Variants in MVB12B observed in about 807,000 individuals in gnomAD.
MVB12B encodes ESCRT-I complex subunit MVB12B.
MVB12B carries 16 observed loss-of-function variants against 41.6 expected under a neutral mutation model. The observed-to-expected ratio is 0.38, with a 90% CI of 0.26 to 0.58. MVB12B has a LOEUF of 0.58. MVB12B is among the 20% of genes least tolerant of loss of function. The probability of loss-of-function intolerance (pLI) is 0.62; values close to 1 mark genes in which losing one functional copy is unlikely to be tolerated. For synonymous variants in MVB12B, 133 were observed against 139.7 expected (o/e 0.95, Z 0.34); for missense variants, 274 against 380.2 (o/e 0.72, Z 2.32).
intron 2 of MVB12B, among the ~76,000 whole-genome samples, chr9:126,363,774 G>T (rs1359561826): frequency 6.6e-6 from 1 of 152,154 alleles, no homozygotes; most frequent in Non-Finnish European, 1.5e-5. Flanking sequence ...CCCACTCACA[G>T]TTCCTCAGAG....
At position 126,505,633 on chromosome 9, in the gene MVB12B, T is replaced by C. The variant is rs1588221484; in HGVS notation, c.*2370T>C. 6.6e-6 allele frequency: 1 copy of C among 151,458 alleles called. No homozygotes were observed. Among genetic ancestry groups the C allele is most frequent in the African/African-American group, 2.4e-5 (1 of 41,006 alleles). 9.4% of individuals were successfully genotyped at this position (151,458 alleles called of 1,614,324 possible). A position where few individuals can be genotyped will look rare whatever the true frequency, so the allele number is the denominator to read the frequency against. ...CCACCATTTATTGCCTTCTGAGAGG[T>C]GGGTGAGGACAAGCATGTGCCTGTG... On this transcript the variant is annotated 3_prime_UTR_variant, in exon 10 of 10. Coordinates refer to ENST00000361171, the MANE Select transcript of MVB12B (RefSeq NM_033446.3).
Position 126,395,821 on chromosome 9 carries a change from A to T in MVB12B, c.662+124A>T, listed in dbSNP as rs2119009163. 1 of 1,502,050 alleles carries T rather than the reference A, an allele frequency of 6.7e-7. No homozygotes were observed. Among genetic ancestry groups the T allele is most frequent in the South Asian group, 1.4e-5 (1 of 72,568 alleles). The allele number at this position is 1,502,050 out of a possible 1,614,324, so 93.0% of individuals were successfully genotyped here. On this transcript the variant is annotated intron_variant, in intron 6 of 9. Transcript: ENST00000361171. This position sits in a 1 kb window ranked among gnomAD's most constrained non-coding sequence, Gnocchi z 4.9. ...AGTACAGCTGAATAATTGTAGAAGC[A>T]ATATATCTTTAGAGGAGATTTTTAA...
chr9:126,402,903 G>T lies in MVB12B; in HGVS notation c.662+7206G>T, dbSNP rs4837076. Among the ~76,000 whole-genome samples the T allele has an allele frequency of 4.6e-5, 7 of 152,094 alleles. No homozygotes were observed. In the South Asian group the frequency reaches 8.3e-4, roughly 18 times the overall value. On this transcript the variant is annotated intron_variant, in intron 6 of 9. Coordinates refer to ENST00000361171, the MANE Select transcript of MVB12B (RefSeq NM_033446.3). ...GGTTCTTTACACAAGGAGCACGGAC[G>T]TCAGCACGGGGGTGTGAATGATCCC...
chr9:126,384,887 A>C (rs1474286277), intron 3 of MVB12B, among the ~76,000 whole-genome samples: 1 of 144,176 alleles, frequency 6.9e-6, no homozygotes, highest in Non-Finnish European at 1.5e-5. Flanking sequence ...CCCAGGCTGA[A>C]GTACAGAGGC....
In MVB12B at chr9:126,454,683, T is replaced by C. The variant is rs574442280; in HGVS notation, c.758-26686T>C. ...ACTAAATAAGTGAGATGGAAGTGAA[T>C]GTTTTCCTCTTCTTTTTCATTTTAC... On this transcript the variant is annotated intron_variant, in intron 7 of 9. Coordinates refer to ENST00000361171, the MANE Select transcript of MVB12B (RefSeq NM_033446.3). 3.3e-4 allele frequency among the ~76,000 whole-genome samples: 50 copies of C among 152,324 alleles called. 1 individual carries two copies. Among genetic ancestry groups the C allele is most frequent in the Admixed American group, 3.9e-4 (6 of 15,304 alleles).
In MVB12B at chr9:126,430,576, CTT is replaced by C. The variant is rs35379005; in HGVS notation, c.757+8640_757+8641del. Among the ~76,000 whole-genome samples the C allele has an allele frequency of 3.8e-3, 556 of 145,102 alleles. 2 individuals are homozygous for C. Among genetic ancestry groups the C allele is most frequent in the African/African-American group, 0.013 (527 of 39,454 alleles). On this transcript the variant is annotated intron_variant, in intron 7 of 9. Transcript: ENST00000361171. The stretch of plus-strand genomic sequence containing the variant: ...ATTTAGAGAGAATGGAGGCTCCCCT[CTT>C]TTTTTTTTTTTAATTGAGGAGGATG...
chr9:126,420,561 C>CTTTTTTT (rs567217742), intron 6 of MVB12B, among the ~76,000 whole-genome samples: 7 of 98,874 alleles, frequency 7.1e-5, no homozygotes, highest in African/African-American at 1.4e-4. Context: ...TCCCAGGAGT[C>CTTTTTTT]TTTTTTTTTT....
At chr9:126,361,910 G>GAA (rs765678033) in intron 2 of MVB12B, among the ~76,000 whole-genome samples, 89 of 59,004 alleles carry the variant, frequency 1.5e-3, no homozygotes, top group Non-Finnish European at 2.2e-3. Flanking sequence ...TGAAACTCTG[G>GAA]AAAAAAAAAA....
chr9:126,489,762 G>T (rs958759579), intron 9 of MVB12B, among the ~76,000 whole-genome samples: 44 of 152,210 alleles, frequency 2.9e-4, no homozygotes, highest in Admixed American at 9.2e-4. Context: ...CAGAGCAGGG[G>T]CTTTGCTGTC....
At chr9:126,334,789 C>T (rs1398755196) in intron 1 of MVB12B, among the ~76,000 whole-genome samples, 3 of 152,170 alleles carry the variant, frequency 2.0e-5, no homozygotes, top group East Asian at 3.9e-4. Context: ...GCCCTACCCT[C>T]GAGTAATGTT....
At chr9:126,463,332 G>A (rs563463918) in intron 7 of MVB12B, among the ~76,000 whole-genome samples, 2 of 152,330 alleles carry the variant, frequency 1.3e-5, no homozygotes, top group South Asian at 4.1e-4. Flanking sequence ...GAGTAGCTAT[G>A]TGAGGGGTAG....
At chr9:126,397,592 G>T in intron 6 of MVB12B, 1 of 985,350 alleles carries the variant, frequency 1.0e-6, no homozygotes, top group Non-Finnish European at 1.2e-6. Flanking sequence ...CAGGATAATT[G>T]AATGTTCATT....
rs1052726182 is a variant in MVB12B at position 126,468,477 on chromosome 9, T to C, written c.758-12892T>C. 6.6e-6 allele frequency among the ~76,000 whole-genome samples: 1 copy of C among 152,176 alleles called. No homozygotes were observed. Among genetic ancestry groups the C allele is most frequent in the African/African-American group, 2.4e-5 (1 of 41,438 alleles). On this transcript the variant is annotated intron_variant, in intron 7 of 9. Coordinates refer to ENST00000361171, the MANE Select transcript of MVB12B (RefSeq NM_033446.3). This position sits in a 1 kb window ranked among gnomAD's most constrained non-coding sequence, Gnocchi z 4.3. Reference sequence around the variant, plus strand: ...GCCCCGTCAGTACCTGGCATTTCATTCTCCCAGCTCTTTAGGCCAGGATCC... The same window carrying C: ...GCCCCGTCAGTACCTGGCATTTCATCCTCCCAGCTCTTTAGGCCAGGATCC...
chr9:126,426,054 A>G (rs893886684), intron 7 of MVB12B, among the ~76,000 whole-genome samples: 3 of 152,384 alleles, frequency 2.0e-5, no homozygotes, highest in Admixed American at 2.0e-4. Context: ...GTGTTTGTAA[A>G]TAAAGTTTTA....
chr9:126,379,510 C>A (rs910859789), intron 2 of MVB12B, among the ~76,000 whole-genome samples: 10 of 152,142 alleles, frequency 6.6e-5, no homozygotes, highest in African/African-American at 2.2e-4. Flanking sequence ...CCCATTCGAT[C>A]GTGTTTCTAT....
chr9:126,406,518 G>A (rs1043290433), intron 6 of MVB12B, among the ~76,000 whole-genome samples: 9 of 152,178 alleles, frequency 5.9e-5, no homozygotes, highest in Non-Finnish European at 4.4e-5. Flanking sequence ...TTGAATTTTC[G>A]AAAAGCGGAT....
chr9:126,444,725 A>C (rs919154740), intron 7 of MVB12B, among the ~76,000 whole-genome samples: 2 of 152,060 alleles, frequency 1.3e-5, no homozygotes, highest in African/African-American at 2.4e-5. Context: ...CATTTTTTTT[A>C]ACATTTAAAT....
In MVB12B at chr9:126,481,354, T is replaced by G. The variant is rs758905333; in HGVS notation, c.758-15T>G. On this transcript the variant is annotated splice_polypyrimidine_tract_variant and intron_variant, in intron 7 of 9. Transcript: ENST00000361171. Reference sequence around the variant, plus strand: ...CAATACCTTTAATGCCATCTTTTTTTTTCTTCTTTTGCAGCAATGGATGGT... The same window carrying G: ...CAATACCTTTAATGCCATCTTTTTTGTTCTTCTTTTGCAGCAATGGATGGT... 1 of 1,610,970 alleles carries G rather than the reference T, an allele frequency of 6.2e-7. No homozygotes were observed. The highest frequency in any genetic ancestry group is 8.5e-7 in the Non-Finnish European group (1 of 1,177,762).
At chr9:126,487,997 T>C (rs1833655523) in intron 9 of MVB12B, among the ~76,000 whole-genome samples, 1 of 152,232 alleles carries the variant, frequency 6.6e-6, no homozygotes, top group South Asian at 2.1e-4. Flanking sequence ...GTAACGTTGA[T>C]GTCCACACAC....
Sources: gnomAD v4.1 joint callset for allele counts (sites outside exome capture counted in the v4.1 genomes callset) on GRCh38, gnomAD v4.1.1 for gene constraint, Gnocchi (gnomAD v3.1) non-coding constraint, MANE v1.5 for transcripts, NCBI Gene and HGNC (gene_info 2026-07-23, HGNC 2026-07-21) for gene names.